LATS2: variants seen among roughly 807,000 people sequenced by gnomAD.
LATS2 encodes large tumor suppressor kinase 2.
In LATS2, 24 loss-of-function variants were observed where a neutral mutation model predicts 76.0. The observed-to-expected ratio is 0.32, with a 90% confidence interval of 0.23 to 0.44. The LOEUF (loss-of-function observed/expected upper bound fraction) is 0.44, where lower values mean the gene tolerates loss of function less well. LATS2 is among the 20% of genes least tolerant of loss of function. The probability of loss-of-function intolerance (pLI) is 1.00; values close to 1 mark genes in which losing one functional copy is unlikely to be tolerated. For synonymous variants in LATS2, 692 were observed against 635.4 expected, an observed-to-expected ratio of 1.09 and a Z score of -1.34; for missense variants, 1,286 against 1,481.2, an observed-to-expected ratio of 0.87 and a Z score of 2.16.
intron 2 of LATS2, among the ~76,000 whole-genome samples, chr13:21,028,581 A>C (rs1872403669): frequency 6.6e-6 from 1 of 152,066 alleles, no homozygotes; most frequent in Non-Finnish European, 1.5e-5. Flanking sequence ...CTGCATCTTA[A>C]ATTTCAATTT....
At chr13:20,978,470 C>T (rs1261997005) in intron 7 of LATS2, among the ~76,000 whole-genome samples, 5 of 152,178 alleles carry the variant, frequency 3.3e-5, no homozygotes, top group Non-Finnish European at 7.3e-5. Context: ...TATTTAACTA[C>T]TTTGAATGAA....
intron 1 of LATS2, among the ~76,000 whole-genome samples, chr13:21,055,122 C>G (rs925081484): frequency 1.3e-5 from 2 of 152,200 alleles, no homozygotes; most frequent in African/African-American, 4.8e-5. Flanking sequence ...AGTTTGAAGA[C>G]AGTTGATTTC....
chr13:21,057,529 G>GT (rs1455775037), intron 1 of LATS2, among the ~76,000 whole-genome samples: 2 of 152,078 alleles, frequency 1.3e-5, no homozygotes, highest in Non-Finnish European at 2.9e-5. Flanking sequence ...TAATAATCAC[G>GT]TAACAGGCCG....
chr13:21,028,633 C>T (rs1013602289), intron 2 of LATS2, among the ~76,000 whole-genome samples: 19 of 152,236 alleles, frequency 1.2e-4, no homozygotes, highest in African/African-American at 3.1e-4. Context: ...TGCAGTAGCG[C>T]GATCTTGACT....
Position 21,017,650 on chromosome 13 carries a change from GGA to G in LATS2, c.343-26248_343-26247del, listed in dbSNP as rs1471462424. On this transcript the variant is annotated intron_variant, in intron 2 of 7. Transcript: ENST00000382592. ...CTTTTTTTTTTTTTGTTTTTGAGAT[GGA>G]GTCTCACTCTGTCACCCAGGCTGGG... Among the ~76,000 whole-genome samples, 7 of 149,798 alleles carry G rather than the reference GGA, an allele frequency of 4.7e-5. 1 individual carries two copies. The highest frequency in any genetic ancestry group is 7.4e-5 in the Non-Finnish European group (5 of 67,562).
chr13:21,037,364 T>C (rs371652277), intron 2 of LATS2, among the ~76,000 whole-genome samples: 88 of 152,204 alleles, frequency 5.8e-4, no homozygotes, highest in African/African-American at 2.1e-3. Context: ...GATCATGCCA[T>C]TGCATTCCAG....
chr13:21,040,084 A>G (rs1233001445), intron 2 of LATS2, among the ~76,000 whole-genome samples: 6 of 151,944 alleles, frequency 3.9e-5, no homozygotes, highest in Admixed American at 2.0e-4. Flanking sequence ...AAAAAAAAAA[A>G]AAAGAAAGAA....
chr13:21,020,398 A>G (rs2138359292), intron 2 of LATS2, among the ~76,000 whole-genome samples: 1 of 152,346 alleles, frequency 6.6e-6, no homozygotes, highest in African/African-American at 2.4e-5. Flanking sequence ...CCAGAAAGAA[A>G]GCCAAAGCCT....
At chr13:21,033,090 G>C (rs1178713919) in intron 2 of LATS2, among the ~76,000 whole-genome samples, 1 of 151,700 alleles carries the variant, frequency 6.6e-6, no homozygotes, top group African/African-American at 2.4e-5. Flanking sequence ...AGGTATAGTA[G>C]AGCAGGGTGT....
chr13:21,021,716 T>C (rs1018795989), intron 2 of LATS2, among the ~76,000 whole-genome samples: 1 of 152,156 alleles, frequency 6.6e-6, no homozygotes, highest in South Asian at 2.1e-4. Context: ...TTAAAGATAA[T>C]GAAGTGAATC....
chr13:20,978,019 G>A (rs1346397244), intron 7 of LATS2, among the ~76,000 whole-genome samples: 1 of 151,936 alleles, frequency 6.6e-6, no homozygotes, highest in Non-Finnish European at 1.5e-5. Flanking sequence ...GGGTTCAAGC[G>A]ATTCTCCTGC....
At chr13:21,007,683 G>GTGTGTATATATATATAGTGTATATA in intron 2 of LATS2, among the ~76,000 whole-genome samples, 1 of 354 alleles carries the variant, frequency 2.8e-3, no homozygotes, top group African/African-American at 3.5e-3. Flanking sequence ...TATATATATA[G>GTGTGTATATATATATAGTGTATATA]TATATATATA....
rs1211897584 is a variant in LATS2, at chr13:20,974,402, TG to T, written c.*467del. On this transcript the variant is annotated 3_prime_UTR_variant, in exon 8 of 8. Transcript: ENST00000382592. ...CATTGTGTGGATAAAATGGTCTCCG[TG>T]ACATTGAGCAGAGTGTTATCTTTTT... The T allele has an allele frequency of 1.8e-5, 4 of 227,506 alleles. No homozygotes were observed. The highest frequency in any genetic ancestry group is 3.5e-5 in the Non-Finnish European group (4 of 115,404). 14.1% of individuals were successfully genotyped at this position (227,506 alleles called of 1,614,324 possible). A position where few individuals can be genotyped will look rare whatever the true frequency, so the allele number is the denominator to read the frequency against.
intron 1 of LATS2, among the ~76,000 whole-genome samples, chr13:21,061,046 C>A (rs1251466346): frequency 1.3e-5 from 2 of 151,568 alleles, no homozygotes; most frequent in Admixed American, 6.6e-5. Context: ...AGCGGCGCAG[C>A]CCCGCTGCCC....
intron 4 of LATS2, among the ~76,000 whole-genome samples, chr13:20,986,335 A>G (rs1269614613): frequency 6.6e-6 from 1 of 152,242 alleles, no homozygotes; most frequent in East Asian, 1.9e-4. Context: ...TTATTGCAGC[A>G]CTATTCACAA....
At chr13:21,002,653 C>G (rs1871101947) in intron 2 of LATS2, among the ~76,000 whole-genome samples, 1 of 152,210 alleles carries the variant, frequency 6.6e-6, no homozygotes, top group South Asian at 2.1e-4. Flanking sequence ...GCTGGGATTA[C>G]AGGTGTGAGC....
At position 20,991,181 on chromosome 13, in the gene LATS2, G is replaced by C; in HGVS notation, c.475+91C>G. 1 of 1,505,840 alleles carries C rather than the reference G, an allele frequency of 6.6e-7. No homozygotes were observed. The highest frequency in any genetic ancestry group is 9.1e-7 in the Non-Finnish European group (1 of 1,096,516). The allele number at this position is 1,505,840 out of a possible 1,614,324, so 93.3% of individuals were successfully genotyped here. A position where few individuals can be genotyped will look rare whatever the true frequency, so the allele number is the denominator to read the frequency against. On this transcript the variant is annotated intron_variant, in intron 3 of 7. Transcript: ENST00000382592. The surrounding 1 kb of genome is among the most constrained non-coding windows in gnomAD (Gnocchi z 4.9). ...TGTGCCAGGAGACTGGCTCTGGCCA[G>C]GCCAGGCCAGGTTGGACCCCTCTGC... is the stretch of plus-strand genomic sequence containing the variant.
intron 4 of LATS2, among the ~76,000 whole-genome samples, chr13:20,985,224 A>C (rs1455412193): frequency 1.3e-5 from 2 of 152,234 alleles, no homozygotes; most frequent in Non-Finnish European, 2.9e-5. Context: ...TTTATGGCTA[A>C]AATCTCAAAA....
Position 20,981,575 on chromosome 13 carries a change from G to C in LATS2, c.2556C>G (p.Asp852Glu), listed in dbSNP as rs61745905. Residue 852 changes from aspartate to glutamate, a missense_variant, in exon 6 of 8, where the codon GAC becomes GAG. Coordinates refer to ENST00000382592, the MANE Select transcript of LATS2 (RefSeq NM_014572.3). The stretch of plus-strand genomic sequence containing the variant: ...CCCTCTGCTCTAGGGTCTTCAGCCT[G>C]TCCCCACACCGACAGTTAGACACAT... ...WDDVSNCRCG[D>E]RLKTLEQRAR... The C allele has an allele frequency of 1.1e-3, 1,742 of 1,614,046 alleles. 21 individuals carry two copies. The African/African-American group carries it at 0.021, about 19-fold the overall frequency.
Sources: allele counts gnomAD v4.1 joint callset (sites outside exome capture counted in the v4.1 genomes callset), GRCh38; gene constraint gnomAD v4.1.1; non-coding constraint Gnocchi (gnomAD v3.1); transcripts MANE v1.5; gene names NCBI Gene and HGNC (gene_info 2026-07-23, HGNC 2026-07-21).